Variants in PDXDC1 observed in about 807,000 individuals in gnomAD.
PDXDC1 encodes pyridoxal-dependent decarboxylase domain-containing protein 1.
A neutral mutation model predicts 100.1 loss-of-function variants in PDXDC1; 42 were observed. The observed-to-expected ratio is 0.42, with a 90% CI of 0.33 to 0.54. PDXDC1 has a LOEUF of 0.54. Ranked by LOEUF, PDXDC1 falls within the 20% of genes least tolerant of loss-of-function variation. The pLI, the probability that PDXDC1 is intolerant of heterozygous loss-of-function variation, is 0.10. For synonymous variants in PDXDC1, 260 were observed against 371.7 expected (o/e 0.70, Z 3.46); for missense variants, 636 against 979.2 (o/e 0.65, Z 4.68).
chr16:15,008,447 A>G (rs1433542959), intron 6 of PDXDC1, among the ~76,000 whole-genome samples: 1 of 152,274 alleles, frequency 6.6e-6, no homozygotes, highest in Non-Finnish European at 1.5e-5. Flanking sequence ...AGAATCCAAA[A>G]TTACCCCCAC....
At chr16:15,133,351 G>A (rs1455584584) in intron 16 of PDXDC1, 9 of 1,123,856 alleles carry the variant, frequency 8.0e-6, no homozygotes, top group South Asian at 2.6e-5. Flanking sequence ...GCACACTAGC[G>A]GTGAGCCCGT....
At chr16:15,025,528 AT>A in intron 13 of PDXDC1, 1 of 152,608 alleles carries the variant, frequency 6.6e-6, no homozygotes, top group East Asian at 1.9e-4. Flanking sequence ...CCCCTAAATA[AT>A]TGGCAGATTT....
intron 16 of PDXDC1, chr16:15,137,551 C>G (rs1237281124): frequency 1.0e-5 from 12 of 1,194,306 alleles, no homozygotes; most frequent in African/African-American, 1.5e-5. Context: ...CTAGAAGAGG[C>G]AGCCACTGGA....
At position 15,064,635 on chromosome 16, in the gene PDXDC1, TAAAGAA is replaced by T. The variant is rs921418348; in HGVS notation, c.1399+34583_1399+34588del. On this transcript the variant is annotated intron_variant, in intron 16 of 16. Transcript: ENST00000535621. ...AACCTTACATGTTTAAATAACAGTTTAAAGAAAAACAAAAAACAAAAAACCCTTGAT... is the reference window on the plus strand; with the variant it reads ...AACCTTACATGTTTAAATAACAGTTTAAACAAAAAACAAAAAACCCTTGAT... Among the ~76,000 whole-genome samples, 9 of 152,270 alleles carry T rather than the reference TAAAGAA, an allele frequency of 5.9e-5. No homozygotes were observed. The South Asian group carries it at 1.9e-3, about 32-fold the overall frequency.
chr16:15,140,762 G>A (rs1413400494), downstream of PDXDC1, among the ~76,000 whole-genome samples: 2 of 152,010 alleles, frequency 1.3e-5, no homozygotes, highest in East Asian at 3.9e-4. Flanking sequence ...GCACCTCGGG[G>A]GTCACCCTGC....
chr16:15,066,967 C>A (rs1430784334), intron 16 of PDXDC1, among the ~76,000 whole-genome samples: 1 of 151,802 alleles, frequency 6.6e-6, no homozygotes, highest in Non-Finnish European at 1.5e-5. Flanking sequence ...CTGTCCCCAC[C>A]CCGAGAACAT....
At chr16:15,094,511 A>G in intron 16 of PDXDC1, 4 of 530,418 alleles carry the variant, frequency 7.5e-6, no homozygotes, top group South Asian at 5.0e-5. Context: ...AAAGGGTGGA[A>G]ACACCCTGGA....
chr16:15,144,187 GT>G (rs1207460787), downstream of PDXDC1, among the ~76,000 whole-genome samples: 1 of 152,306 alleles, frequency 6.6e-6, no homozygotes, highest in East Asian at 1.9e-4. Context: ...GGGGTGCAGT[GT>G]GGGCGCTGGA....
chr16:15,125,659 G>A (rs1411413523), intron 16 of PDXDC1: 5 of 1,285,062 alleles, frequency 3.9e-6, no homozygotes, highest in South Asian at 1.2e-5. Context: ...AGGACCCCCA[G>A]CCCAGCCCAG....
At position 15,034,479 on chromosome 16, in the gene PDXDC1, T is replaced by C; in HGVS notation, c.1928T>C (p.Val643Ala). The C allele has an allele frequency of 6.2e-7, 1 of 1,614,102 alleles. No individual in the cohort carries two copies. Among genetic ancestry groups the C allele is most frequent in the South Asian group, 1.1e-5 (1 of 91,072 alleles). The change falls in exon 21 of 23, where the codon GTA becomes GCA. Residue 643 changes from valine (V) to alanine (A), a missense_variant. Val to Ala is a moderately conservative substitution (Grantham distance 64). Around this residue, in one of 4 missense-constraint regions of PDXDC1, gnomAD observed 452 missense variants for 402.9 expected, o/e 1.12. Coordinates refer to ENST00000396410, the MANE Select transcript of PDXDC1 (RefSeq NM_015027.4). ...CAGGGGGTGTTGCGGCAGATCCCTG[T>C]AGTGGGCTCCGTGCTGAATTGGTTT... ...LEEGVLRQIP[V>A]VGSVLNWFSP...
chr16:15,085,840 T>C, intron 16 of PDXDC1: 1 of 1,285,618 alleles, frequency 7.8e-7, no homozygotes, highest in Non-Finnish European at 1.1e-6. Context: ...CAATGATTAA[T>C]TAAACGCACA....
At chr16:15,137,614 G>A (rs920444887) in intron 16 of PDXDC1, 21 of 1,342,962 alleles carry the variant, frequency 1.6e-5, no homozygotes, top group South Asian at 1.0e-4. Context: ...TCCGCCCGCC[G>A]CACTCACAGG....
the PDXDC1 span, among the ~76,000 whole-genome samples, chr16:15,150,269 C>T: frequency 4.0e-5 from 6 of 151,448 alleles, no homozygotes; most frequent in East Asian, 1.9e-4. Flanking sequence ...TGAACCCAGG[C>T]GGCGGAGCTT....
intron 16 of PDXDC1, chr16:15,047,903 C>T (rs1382120676): frequency 6.2e-7 from 1 of 1,613,580 alleles, no homozygotes; most frequent in East Asian, 2.2e-5. Context: ...TCATCAGAAC[C>T]CAGAATGGAG....
chr16:15,017,007 T>TA (rs2041842722), intron 9 of PDXDC1, 113 bp from the exon 10 acceptor site: 1 of 1,199,536 alleles, frequency 8.3e-7, no homozygotes, highest in Admixed American at 1.8e-5. Context: ...GCTAATAACA[T>TA]TAAAAATATA....
intron 16 of PDXDC1, among the ~76,000 whole-genome samples, chr16:15,059,117 G>C (rs1434128090): frequency 1.3e-5 from 2 of 152,094 alleles, no homozygotes; most frequent in Non-Finnish European, 2.9e-5. Context: ...AATCACCAGG[G>C]GGCTTTAAAA....
At position 15,014,489 on chromosome 16, in the gene PDXDC1, G is replaced by A. The variant is rs554527952; in HGVS notation, c.728-1640G>A. Among the ~76,000 whole-genome samples the A allele has an allele frequency of 3.0e-4, 46 of 152,388 alleles. No individual in the cohort carries two copies. In the East Asian group the frequency reaches 4.8e-3, roughly 16 times the overall value. ...GATCCAGGCACTAACACAGCAGTACGCTTTTATTTTGCTGGAAGAGCCTGT... is the reference window on the plus strand; with the variant it reads ...GATCCAGGCACTAACACAGCAGTACACTTTTATTTTGCTGGAAGAGCCTGT... On this transcript the variant is annotated intron_variant, in intron 8 of 22. Transcript: ENST00000396410.
At chr16:15,029,457 AG>A (rs1337153319) in intron 15 of PDXDC1, 6 of 356,014 alleles carry the variant, frequency 1.7e-5, no homozygotes, top group African/African-American at 4.1e-5. Flanking sequence ...CCAGCCTAGC[AG>A]GGTTGGCAGA....
At chr16:15,140,113 A>G (rs866239511), downstream of PDXDC1, among the ~76,000 whole-genome samples, 94 of 150,054 alleles carry the variant, frequency 6.3e-4, 1 homozygote, top group South Asian at 9.9e-3. Flanking sequence ...AAAAAAAAAA[A>G]AAAAAGAAAA....
Sources: gnomAD v4.1 joint callset for allele counts (sites outside exome capture counted in the v4.1 genomes callset) on GRCh38, gnomAD v4.1.1 for gene constraint, gnomAD v4.1.1 regional missense constraint, MANE v1.5 for transcripts, NCBI Gene and HGNC (gene_info 2026-07-23, HGNC 2026-07-21) for gene names.